The following UTS2B variants were observed in gnomAD, a reference collection of about 807,000 sequenced individuals.
The protein encoded by UTS2B is urotensin 2B, also known as urotensin-2B.
A neutral mutation model predicts 19.2 loss-of-function variants in UTS2B; 21 were observed. The ratio of observed to expected loss-of-function variants is 1.09; its 90% CI spans 0.78 to 1.58. The LOEUF is 1.58. UTS2B is among the 40% of genes most tolerant of loss of function. UTS2B has a pLI of 0.00. For missense variants in UTS2B, 138 were observed against 130.3 expected (o/e 1.06, Z -0.29); for synonymous variants, 57 against 50.2 (o/e 1.14, Z -0.58).
intron 8 of UTS2B, chr3:191,273,384 A>G (rs548736985): frequency 6.9e-6 from 3 of 434,984 alleles, no homozygotes; most frequent in African/African-American, 4.0e-5. Context: ...ACATTTACCA[A>G]CCTGCCTTGC....
At chr3:191,319,936 G>A (rs1717570886) in intron 2 of UTS2B, among the ~76,000 whole-genome samples, 1 of 150,808 alleles carries the variant, frequency 6.6e-6, no homozygotes, top group East Asian at 1.9e-4. Flanking sequence ...TATTTGGTCA[G>A]CATAGTCTAG....
chr3:191,271,962 G>A (rs1716105987), intron 8 of UTS2B, among the ~76,000 whole-genome samples: 3 of 152,080 alleles, frequency 2.0e-5, no homozygotes, highest in Admixed American at 1.3e-4. Context: ...ATTTCCTAGG[G>A]ATCCCACATC....
chr3:191,324,687 G>A (rs369075442), intron 2 of UTS2B, among the ~76,000 whole-genome samples: 1 of 152,296 alleles, frequency 6.6e-6, no homozygotes, highest in East Asian at 1.9e-4. Flanking sequence ...AAATTACCTG[G>A]TCTTGGGTGA....
At chr3:191,310,378 A>G (rs557433615) in intron 3 of UTS2B, among the ~76,000 whole-genome samples, 1 of 152,310 alleles carries the variant, frequency 6.6e-6, no homozygotes, top group East Asian at 1.9e-4. Context: ...TAACAAAGAT[A>G]ATATTTCCCA....
At chr3:191,329,532 A>AC (rs1047679279) in intron 1 of UTS2B, 2 of 727,858 alleles carry the variant, frequency 2.7e-6, no homozygotes, top group Non-Finnish European at 2.1e-6. Context: ...TGCCCGCCCG[A>AC]CCCGCTCCGT....
intron 2 of UTS2B, among the ~76,000 whole-genome samples, chr3:191,319,664 C>A (rs1209739123): frequency 1.3e-5 from 2 of 150,648 alleles, no homozygotes; most frequent in Non-Finnish European, 2.9e-5. Flanking sequence ...TCAAGACCAG[C>A]CTGGCCAACG....
At position 191,275,364 on chromosome 3, in the gene UTS2B, G is replaced by GAT. The variant is rs1299705121; in HGVS notation, c.241-21_241-20dup. 6.3e-7 allele frequency: 1 copy of GAT among 1,594,428 alleles called. No homozygotes were observed. Among genetic ancestry groups the GAT allele is most frequent in the Non-Finnish European group, 8.6e-7 (1 of 1,162,560 alleles). ...TTTCCAGCTGATAAAATTGTAAAAT[G>GAT]ATAATTAATTGGTCTTCTATAAAAC... On this transcript the variant is annotated intron_variant, in intron 7 of 8. Coordinates refer to ENST00000340524, the MANE Select transcript of UTS2B (RefSeq NM_198152.5).
intron 4 of UTS2B, among the ~76,000 whole-genome samples, chr3:191,304,068 C>T (rs1440396217): frequency 2.0e-5 from 3 of 151,962 alleles, no homozygotes; most frequent in Admixed American, 6.5e-5. Flanking sequence ...CTCCTGGGCT[C>T]AAGAGATTCT....
At chr3:191,317,855 C>T (rs1276135356) in intron 2 of UTS2B, among the ~76,000 whole-genome samples, 1 of 152,196 alleles carries the variant, frequency 6.6e-6, no homozygotes, top group Non-Finnish European at 1.5e-5. Flanking sequence ...ACTGGGATTA[C>T]AGGCATGAGC....
At chr3:191,324,596 T>C (rs1385900821) in intron 2 of UTS2B, among the ~76,000 whole-genome samples, 1 of 152,202 alleles carries the variant, frequency 6.6e-6, no homozygotes, top group African/African-American at 2.4e-5. Context: ...ATATAAGATG[T>C]CACTTTGCTC....
At chr3:191,339,666 C>T in the UTS2B span, among the ~76,000 whole-genome samples, 1 of 152,154 alleles carries the variant, frequency 6.6e-6, no homozygotes, top group African/African-American at 2.4e-5. Flanking sequence ...TGTTGACTTT[C>T]CCAGGCTGTA....
intron 3 of UTS2B, among the ~76,000 whole-genome samples, chr3:191,305,880 C>G (rs529390757): frequency 6.6e-6 from 1 of 152,268 alleles, no homozygotes; most frequent in African/African-American, 2.4e-5. Context: ...TTTCTGCATA[C>G]GGCTAGTCAG....
chr3:191,307,613 A>G (rs12494331), intron 3 of UTS2B, among the ~76,000 whole-genome samples: 39,391 of 151,830 alleles, frequency 0.26, 5,240 homozygotes, highest in Admixed American at 0.29. Flanking sequence ...TCTGGCTTCC[A>G]TCTCATGTTT....
At chr3:191,316,686 T>G (rs549903958) in intron 2 of UTS2B, among the ~76,000 whole-genome samples, 1 of 152,302 alleles carries the variant, frequency 6.6e-6, no homozygotes, top group African/African-American at 2.4e-5. Context: ...GCATTTACAA[T>G]CCTCTAGCTA....
intron 8 of UTS2B, among the ~76,000 whole-genome samples, chr3:191,269,693 T>C (rs1716034839): frequency 6.6e-6 from 1 of 152,172 alleles, no homozygotes; most frequent in Admixed American, 6.5e-5. Context: ...TAGTATGCTT[T>C]GGAAAGTTAT....
At chr3:191,295,392 CT>C (rs1716831278) in intron 4 of UTS2B, among the ~76,000 whole-genome samples, 1 of 151,914 alleles carries the variant, frequency 6.6e-6, no homozygotes, top group African/African-American at 2.4e-5. Context: ...CCCTAGTTTT[CT>C]TTTTTTCTCC....
intron 2 of UTS2B, chr3:191,328,307 C>T (rs1018409782): frequency 3.3e-5 from 5 of 152,102 alleles, no homozygotes; most frequent in Non-Finnish European, 1.5e-5. Context: ...GTTGTAGATC[C>T]CAGAATCCAG....
At chr3:191,274,255 A>C (rs1298100745) in intron 8 of UTS2B, among the ~76,000 whole-genome samples, 1 of 152,220 alleles carries the variant, frequency 6.6e-6, no homozygotes, top group Non-Finnish European at 1.5e-5. Context: ...GTCTATAAAA[A>C]AAGTCATATT....
chr3:191,302,536 C>A (rs1474836304), intron 4 of UTS2B, among the ~76,000 whole-genome samples: 1 of 152,182 alleles, frequency 6.6e-6, no homozygotes, highest in African/African-American at 2.4e-5. Context: ...ACCCATGTGG[C>A]CTCCCAGGCT....
Sources: allele counts gnomAD v4.1 joint callset (sites outside exome capture counted in the v4.1 genomes callset), GRCh38; gene constraint gnomAD v4.1.1; transcripts MANE v1.5; gene names NCBI Gene and HGNC (gene_info 2026-07-23, HGNC 2026-07-21).